Variants in MYO3A observed in about 807,000 individuals in gnomAD.
The protein encoded by MYO3A is myosin IIIA.
A neutral mutation model predicts 192.7 loss-of-function variants in MYO3A; 180 were observed. The observed-to-expected ratio is 0.93, with a 90% CI of 0.83 to 1.06. The LOEUF (loss-of-function observed/expected upper bound fraction) is 1.06, where lower values mean the gene tolerates loss of function less well. Ranked by LOEUF, MYO3A falls within the 50% of genes least tolerant of loss-of-function variation. The pLI is 0.00. For missense variants in MYO3A, 1,896 were observed against 1,905.0 expected, an observed-to-expected ratio of 1.00 and a Z score of 0.09; for synonymous variants, 628 against 645.3, an observed-to-expected ratio of 0.97 and a Z score of 0.41.
intron 10 of MYO3A, among the ~76,000 whole-genome samples, chr10:26,044,778 A>C (rs1399984820): frequency 6.6e-6 from 1 of 150,476 alleles, no homozygotes; most frequent in African/African-American, 2.4e-5. Context: ...TGGGGCTACA[A>C]GTAAAAACTG....
chr10:26,201,647 C>T (rs928179397), intron 33 of MYO3A, among the ~76,000 whole-genome samples: 1 of 150,278 alleles, frequency 6.7e-6, no homozygotes, highest in Admixed American at 6.6e-5. Flanking sequence ...GATTGCGCCA[C>T]TGCACTCCAG....
At chr10:26,054,391 C>T (rs534023276) in intron 10 of MYO3A, among the ~76,000 whole-genome samples, 1 of 152,284 alleles carries the variant, frequency 6.6e-6, no homozygotes, top group Admixed American at 6.5e-5. Context: ...ATTCAATCAG[C>T]AGTTCATGGA....
intron 18 of MYO3A, among the ~76,000 whole-genome samples, chr10:26,123,664 C>T (rs533485744): frequency 6.6e-6 from 1 of 152,272 alleles, no homozygotes; most frequent in East Asian, 1.9e-4. Flanking sequence ...CAGTGGCTCA[C>T]GCCTGTAATC....
intron 10 of MYO3A, among the ~76,000 whole-genome samples, chr10:26,047,800 A>G (rs1441242517): frequency 1.3e-5 from 2 of 152,014 alleles, no homozygotes; most frequent in Non-Finnish European, 2.9e-5. Context: ...AAAGAAAGAA[A>G]AGACACATTT....
rs1410227533 is a variant in MYO3A, at chr10:25,945,029, C to G, written c.-17-7065C>G. Among the ~76,000 whole-genome samples the G allele has an allele frequency of 3.3e-5, 5 of 151,948 alleles. 1 individual carries two copies. Among genetic ancestry groups the G allele is most frequent in the South Asian group, 2.1e-4 (1 of 4,828 alleles). ...TTTTAAATTTAAGCTTTTAGAGCAA[C>G]AAATTTATCTCTTAGCAGTACTTTT... On this transcript the variant is annotated intron_variant, in intron 2 of 34. Coordinates refer to ENST00000642920, the MANE Select transcript of MYO3A (RefSeq NM_017433.5).
At position 25,954,957 on chromosome 10, in the gene MYO3A, A is replaced by G; in HGVS notation, c.252A>G (p.Ile84Met). 6 of 1,612,606 alleles carry G rather than the reference A, an allele frequency of 3.7e-6. No individual in the cohort carries two copies. Among genetic ancestry groups the G allele is most frequent in the South Asian group, 1.1e-5 (1 of 91,042 alleles). The change falls in exon 4 of 35, where the codon ATA (isoleucine) becomes ATG (methionine). Residue 84 changes from isoleucine (I) to methionine (M), a missense_variant. Physicochemically the swap from Ile to Met is conservative, Grantham distance 10 (BLOSUM62 1). Coordinates refer to ENST00000642920, the MANE Select transcript of MYO3A (RefSeq NM_017433.5). The stretch of plus-strand genomic sequence containing the variant: ...CTAATGTGGTCAGATTCTATGGGAT[A>G]TACTTTAAGAAGGATAAAGTAAATG... ...DHPNVVRFYG[I>M]YFKKDKVNGD...
intron 3 of MYO3A, 106 bp downstream of exon 3, chr10:25,952,384 C>T (rs1837262001): frequency 8.1e-7 from 1 of 1,236,170 alleles, no homozygotes; most frequent in Admixed American, 2.5e-5. Flanking sequence ...CAGTCTAAAA[C>T]AGGTTACAAT....
chr10:25,949,917 C>G (rs1395123091), intron 2 of MYO3A, among the ~76,000 whole-genome samples: 1 of 152,126 alleles, frequency 6.6e-6, no homozygotes, highest in African/African-American at 2.4e-5. Context: ...TAGATTAGGT[C>G]TCTGCTGTCA....
chr10:26,158,530 C>T (rs1332369146), intron 26 of MYO3A, among the ~76,000 whole-genome samples: 1 of 152,140 alleles, frequency 6.6e-6, no homozygotes, highest in African/African-American at 2.4e-5. Flanking sequence ...GCTAGGATTA[C>T]AGGCGTGAGC....
chr10:26,171,209 A>G (rs1168035041), intron 29 of MYO3A, among the ~76,000 whole-genome samples: 1 of 152,080 alleles, frequency 6.6e-6, no homozygotes, highest in Non-Finnish European at 1.5e-5. Context: ...AAATATCTAC[A>G]TTTTGCCCAA....
Position 26,017,587 on chromosome 10 carries a change from A to G in MYO3A, c.585+691A>G, listed in dbSNP as rs532139292. On this transcript the variant is annotated intron_variant, in intron 7 of 34. Coordinates refer to ENST00000642920, the MANE Select transcript of MYO3A (RefSeq NM_017433.5). ...GGAGGAGAAGTAATTAATATACTAT[A>G]TTAATATTTTCAAATCTTATAATTA... is the stretch of plus-strand genomic sequence containing the variant. 2.0e-5 allele frequency among the ~76,000 whole-genome samples: 3 copies of G among 152,234 alleles called. No homozygotes were observed. The South Asian group carries it at 6.2e-4, about 32-fold the overall frequency.
intron 14 of MYO3A, among the ~76,000 whole-genome samples, chr10:26,071,156 TAA>T (rs1835181965): frequency 6.6e-6 from 1 of 152,060 alleles, no homozygotes; most frequent in Non-Finnish European, 1.5e-5. Flanking sequence ...AGACTTGCTG[TAA>T]AGCTGCAATA....
At chr10:25,963,421 A>T (rs1838063517) in intron 4 of MYO3A, among the ~76,000 whole-genome samples, 2 of 152,200 alleles carry the variant, frequency 1.3e-5, no homozygotes, top group Non-Finnish European at 2.9e-5. Context: ...GAAAGAAGAT[A>T]AGTTAGAATG....
intron 14 of MYO3A, among the ~76,000 whole-genome samples, chr10:26,072,191 C>A (rs1174262104): frequency 6.6e-6 from 1 of 152,182 alleles, no homozygotes; most frequent in Non-Finnish European, 1.5e-5. Context: ...CTCCTGTCAC[C>A]TCCTTTGACA....
intron 2 of MYO3A, among the ~76,000 whole-genome samples, chr10:25,947,308 A>G (rs1836903992): frequency 1.3e-5 from 2 of 150,850 alleles, no homozygotes; most frequent in Non-Finnish European, 2.9e-5. Context: ...AGTCTGTCTT[A>G]TTATAGATAC....
At chr10:26,138,087 C>T (rs775936470) in intron 20 of MYO3A, among the ~76,000 whole-genome samples, 7 of 152,146 alleles carry the variant, frequency 4.6e-5, no homozygotes, top group South Asian at 2.1e-4. Context: ...CTCCTTTTTG[C>T]GCTTTGAAGC....
At chr10:26,035,364 A>G in intron 10 of MYO3A, among the ~76,000 whole-genome samples, 1 of 152,196 alleles carries the variant, frequency 6.6e-6, no homozygotes, top group South Asian at 2.1e-4. Context: ...CTCTGCTCCT[A>G]AGTAGCACTA....
chr10:25,949,688 C>T (rs1048009765), intron 2 of MYO3A, among the ~76,000 whole-genome samples: 1 of 151,944 alleles, frequency 6.6e-6, no homozygotes, highest in African/African-American at 2.4e-5. Context: ...ATAATGTGCC[C>T]GTAAGTATAA....
intron 6 of MYO3A, among the ~76,000 whole-genome samples, chr10:25,999,353 T>A (rs901748577): frequency 2.0e-5 from 3 of 152,178 alleles, no homozygotes; most frequent in African/African-American, 7.2e-5. Context: ...ACCAAAATAT[T>A]ATTAATTACA....
Sources: gnomAD v4.1 joint callset for allele counts (sites outside exome capture counted in the v4.1 genomes callset) on GRCh38, gnomAD v4.1.1 for gene constraint, MANE v1.5 for transcripts, NCBI Gene and HGNC (gene_info 2026-07-23, HGNC 2026-07-21) for gene names.